WDFY4: variants seen among roughly 807,000 people sequenced by gnomAD.
The protein encoded by WDFY4 is WD repeat- and FYVE domain-containing protein 4.
WDFY4 carries 169 observed loss-of-function variants against 351.9 expected under a neutral mutation model. The ratio of observed to expected loss-of-function variants is 0.48; its 90% CI spans 0.42 to 0.55. WDFY4 has a LOEUF of 0.55. Among genes scored for constraint, WDFY4 ranks in the 20% least tolerant of loss-of-function variants. WDFY4 has a pLI of 0.00. For missense variants in WDFY4, 3,803 were observed against 3,935.6 expected (o/e 0.97, Z 0.90); for synonymous variants, 1,622 against 1,574.6 (o/e 1.03, Z -0.71).
At chr10:48,687,234 C>A (rs957274086) in intron 1 of WDFY4, among the ~76,000 whole-genome samples, 9 of 152,110 alleles carry the variant, frequency 5.9e-5, no homozygotes, top group African/African-American at 2.2e-4. Flanking sequence ...TGCCATAATT[C>A]AATACATATT....
intron 13 of WDFY4, among the ~76,000 whole-genome samples, chr10:48,766,942 C>T (rs541767407): frequency 1.3e-5 from 2 of 152,310 alleles, no homozygotes; most frequent in Non-Finnish European, 2.9e-5. Context: ...AGAGCACTTG[C>T]TCTTCTAAAG....
intron 35 of WDFY4, among the ~76,000 whole-genome samples, chr10:48,824,414 G>C (rs536168420): frequency 6.6e-6 from 1 of 152,276 alleles, no homozygotes; most frequent in South Asian, 2.1e-4. Context: ...TTTTAAATTA[G>C]ATACTACTAA....
intron 47 of WDFY4, among the ~76,000 whole-genome samples, chr10:48,915,284 A>G (rs1425390698): frequency 6.6e-6 from 1 of 152,220 alleles, no homozygotes; most frequent in Non-Finnish European, 1.5e-5. Flanking sequence ...GGTCCACAGC[A>G]TTACCCTATC....
At chr10:48,928,016 C>G (rs181464301) in intron 47 of WDFY4, among the ~76,000 whole-genome samples, 18 of 152,292 alleles carry the variant, frequency 1.2e-4, no homozygotes, top group Admixed American at 1.1e-3. Flanking sequence ...CAGACCTGGC[C>G]CCTTTGAAGC....
intron 18 of WDFY4, 74 bp from the exon 19 acceptor site, chr10:48,779,867 A>T: frequency 6.6e-7 from 1 of 1,518,380 alleles, no homozygotes; most frequent in Admixed American, 2.0e-5. Flanking sequence ...ACGTCCGCCT[A>T]TGCCCTCCCC....
At chr10:48,790,471 AG>A (rs2066640346) in intron 22 of WDFY4, among the ~76,000 whole-genome samples, 1 of 152,214 alleles carries the variant, frequency 6.6e-6, no homozygotes, top group African/African-American at 2.4e-5. Flanking sequence ...GTGAAGGCAG[AG>A]GGCGGCAATC....
intron 43 of WDFY4, 62 bp from the exon 44 acceptor site, chr10:48,890,517 C>T: frequency 6.5e-7 from 1 of 1,545,314 alleles, no homozygotes; most frequent in Non-Finnish European, 8.8e-7. Flanking sequence ...CCTCCTGTTT[C>T]CCCCAAGAAT....
At chr10:48,962,269 C>G (rs1841893033) in intron 53 of WDFY4, among the ~76,000 whole-genome samples, 1 of 152,200 alleles carries the variant, frequency 6.6e-6, no homozygotes. Context: ...TATGACATGA[C>G]TCAAATGTGG....
At chr10:48,897,377 C>T (rs1837135460) in intron 44 of WDFY4, 77 bp from the exon 45 acceptor site, 1 of 1,511,494 alleles carries the variant, frequency 6.6e-7, no homozygotes, top group Non-Finnish European at 8.9e-7. Flanking sequence ...TGGTGGAGGG[C>T]AGGAAGAAGA....
At chr10:48,809,650 G>A (rs563314009) in intron 28 of WDFY4, among the ~76,000 whole-genome samples, 127 of 149,198 alleles carry the variant, frequency 8.5e-4, no homozygotes, top group African/African-American at 2.9e-3. Flanking sequence ...TCACCACAAC[G>A]TTAATCACTA....
chr10:48,709,059 G>T (rs984182870), intron 1 of WDFY4, among the ~76,000 whole-genome samples: 1 of 150,400 alleles, frequency 6.6e-6, no homozygotes, highest in African/African-American at 2.5e-5. Flanking sequence ...TCAACTTGAC[G>T]TCTAGCTGCC....
chr10:48,740,888 T>G (rs1392592508), intron 11 of WDFY4, among the ~76,000 whole-genome samples: 10 of 152,214 alleles, frequency 6.6e-5, no homozygotes, highest in Admixed American at 6.5e-4. Context: ...CTGTGAGTAG[T>G]GTGTTTTCTT....
chr10:48,934,773 G>T (rs1008177028), intron 47 of WDFY4, among the ~76,000 whole-genome samples: 47 of 152,296 alleles, frequency 3.1e-4, no homozygotes, highest in Non-Finnish European at 6.8e-4. Context: ...GTGACTGGTC[G>T]GGTGAAAGCA....
At chr10:48,750,932 AT>A (rs1338129749) in intron 12 of WDFY4, among the ~76,000 whole-genome samples, 2 of 152,252 alleles carry the variant, frequency 1.3e-5, no homozygotes, top group African/African-American at 4.8e-5. Context: ...GAATATGGGC[AT>A]GAATGAATTG....
chr10:48,910,187 G>T, intron 47 of WDFY4: 1 of 1,460,662 alleles, frequency 6.8e-7, no homozygotes, highest in Non-Finnish European at 9.6e-7. Flanking sequence ...CCTCTTCAGA[G>T]TCGTTTATTC....
intron 1 of WDFY4, among the ~76,000 whole-genome samples, chr10:48,692,116 T>G (rs925591623): frequency 2.6e-5 from 4 of 152,246 alleles, no homozygotes; most frequent in African/African-American, 9.6e-5. Context: ...GTCCAATGTA[T>G]GCATAGCAGC....
intron 55 of WDFY4, 57 bp downstream of exon 55, chr10:48,966,730 G>A (rs1188337194): frequency 1.3e-6 from 2 of 1,521,720 alleles, no homozygotes; most frequent in African/African-American, 2.8e-5. Flanking sequence ...CCCTTCAGTG[G>A]CTGGGTTCCT....
intron 36 of WDFY4, 125 bp from the exon 37 acceptor site, chr10:48,828,653 C>G: frequency 1.7e-6 from 1 of 578,336 alleles, no homozygotes; most frequent in Non-Finnish European, 2.9e-6. Context: ...TTTGATTAGG[C>G]AAGTTTTTTT....
chr10:48,904,617 G>A (rs1313593608), intron 47 of WDFY4, among the ~76,000 whole-genome samples: 1 of 152,052 alleles, frequency 6.6e-6, no homozygotes, highest in Non-Finnish European at 1.5e-5. Flanking sequence ...CTCATCACAG[G>A]GGCACCGATG....
Sources: allele counts gnomAD v4.1 joint callset (sites outside exome capture counted in the v4.1 genomes callset), GRCh38; gene constraint gnomAD v4.1.1; transcripts MANE v1.5; gene names NCBI Gene and HGNC (gene_info 2026-07-23, HGNC 2026-07-21).